Variants in TSPAN15 observed in about 807,000 individuals in gnomAD.
The protein encoded by TSPAN15 is tetraspanin 15.
A neutral mutation model predicts 34.5 loss-of-function variants in TSPAN15; 20 were observed. That is an observed-to-expected ratio of 0.58 (90% CI 0.41 to 0.84). TSPAN15 has a LOEUF of 0.84. TSPAN15 is among the 40% of genes least tolerant of loss of function. The pLI is 0.00. For missense variants in TSPAN15, 313 were observed against 386.1 expected, an observed-to-expected ratio of 0.81 and a Z score of 1.59; for synonymous variants, 155 against 153.9, an observed-to-expected ratio of 1.01 and a Z score of -0.05.
rs1299547481 is a variant in TSPAN15, at chr10:69,471,597, T to C, written c.97-12094T>C. 2.7e-5 allele frequency among the ~76,000 whole-genome samples: 4 copies of C among 148,274 alleles called. No individual in the cohort carries two copies. The East Asian group carries it at 8.1e-4, about 30-fold the overall frequency. On this transcript the variant is annotated intron_variant, in intron 1 of 7. Transcript: ENST00000373290. ...TCCCCACCTTCTCTCCCTCCCCTCTTCCCTCCCCTCCCCTCCCCTTCTCTT... is the reference window on the plus strand; with the variant it reads ...TCCCCACCTTCTCTCCCTCCCCTCTCCCCTCCCCTCCCCTCCCCTTCTCTT...
chr10:69,502,862 G>A (rs1299324958), intron 5 of TSPAN15, among the ~76,000 whole-genome samples: 2 of 152,106 alleles, frequency 1.3e-5, no homozygotes, highest in Non-Finnish European at 2.9e-5. Flanking sequence ...ACCTCCCTAC[G>A]TACCATGCAG....
downstream of TSPAN15, among the ~76,000 whole-genome samples, chr10:69,509,760 A>G (rs1359268074): frequency 6.6e-6 from 1 of 152,138 alleles, no homozygotes; most frequent in East Asian, 1.9e-4. Flanking sequence ...TAATTTTTGT[A>G]TAAGGTGTAA....
At chr10:69,518,485 G>A in the TSPAN15 span, among the ~76,000 whole-genome samples, 3 of 152,202 alleles carry the variant, frequency 2.0e-5, no homozygotes, top group South Asian at 6.2e-4. Flanking sequence ...GTGCAGTGAT[G>A]TGATCTCTGC....
chr10:69,524,246 A>G, the TSPAN15 span, among the ~76,000 whole-genome samples: 1 of 147,422 alleles, frequency 6.8e-6, no homozygotes, highest in African/African-American at 2.5e-5. Flanking sequence ...AGGTGGGTGG[A>G]TCACTGGAAG....
chr10:69,532,713 C>A, the TSPAN15 span, among the ~76,000 whole-genome samples: 1 of 152,118 alleles, frequency 6.6e-6, no homozygotes, highest in South Asian at 2.1e-4. Flanking sequence ...CTTTGCACAG[C>A]AAAGGAACAG....
the TSPAN15 span, among the ~76,000 whole-genome samples, chr10:69,539,442 GAAGA>G: frequency 1.7e-3 from 55 of 31,456 alleles, 5 homozygotes; most frequent in Middle Eastern, 0.01. Context: ...GAAGAAGAAG[GAAGA>G]AGAAGAAGAA....
intron 1 of TSPAN15, 135 bp from the exon 2 acceptor site, chr10:69,483,556 G>A (rs746691675): frequency 6.2e-5 from 56 of 906,980 alleles, no homozygotes; most frequent in Non-Finnish European, 8.6e-5. Context: ...CAGTTCAGCC[G>A]CTAACAGGGC....
chr10:69,454,581 C>T (rs1841043146), intron 1 of TSPAN15, among the ~76,000 whole-genome samples: 1 of 152,034 alleles, frequency 6.6e-6, no homozygotes, highest in Non-Finnish European at 1.5e-5. Context: ...CTTTGGAAGG[C>T]CAAGATGGGC....
chr10:69,482,097 T>A (rs1354040023), intron 1 of TSPAN15, among the ~76,000 whole-genome samples: 6 of 147,768 alleles, frequency 4.1e-5, no homozygotes, highest in Non-Finnish European at 7.4e-5. Context: ...CCAGAAATAG[T>A]GTAGTATGTT....
the TSPAN15 span, among the ~76,000 whole-genome samples, chr10:69,543,364 C>A: frequency 4.6e-5 from 7 of 152,196 alleles, no homozygotes; most frequent in South Asian, 1.0e-3. Flanking sequence ...GAAAAGTCTC[C>A]TTCCTCCCCT....
chr10:69,539,961 CT>C, the TSPAN15 span, among the ~76,000 whole-genome samples: 360 of 146,502 alleles, frequency 2.5e-3, no homozygotes, highest in Admixed American at 3.9e-3. Context: ...AAAATGTAGT[CT>C]TTTTTTTTTT....
the TSPAN15 span, among the ~76,000 whole-genome samples, chr10:69,535,676 C>T: frequency 6.6e-6 from 1 of 152,254 alleles, no homozygotes. Flanking sequence ...GGCACCCACA[C>T]CCAACTCCCT....
the TSPAN15 span, among the ~76,000 whole-genome samples, chr10:69,545,686 G>T: frequency 6.6e-6 from 1 of 152,308 alleles, no homozygotes; most frequent in East Asian, 1.9e-4. Context: ...GCTGGGTGCG[G>T]TGGCTCACGC....
intron 1 of TSPAN15, among the ~76,000 whole-genome samples, chr10:69,460,817 G>A (rs186240453): frequency 1.6e-4 from 25 of 152,224 alleles, no homozygotes; most frequent in African/African-American, 4.6e-4. Context: ...GAGGGAGGGC[G>A]GGCTACAGAA....
chr10:69,464,163 CA>C (rs1841331433), intron 1 of TSPAN15, among the ~76,000 whole-genome samples: 2 of 152,244 alleles, frequency 1.3e-5, no homozygotes, highest in Non-Finnish European at 2.9e-5. Context: ...GAGTATGGCT[CA>C]CCAGACACCT....
At chr10:69,523,046 T>G in the TSPAN15 span, among the ~76,000 whole-genome samples, 9 of 147,992 alleles carry the variant, frequency 6.1e-5, 1 homozygote, top group Non-Finnish European at 1.3e-4. Flanking sequence ...AGTTTTATAG[T>G]TTTAGCTCTT....
At position 69,455,519 on chromosome 10, in the gene TSPAN15, C is replaced by CT. The variant is rs1564595385; in HGVS notation, c.96+3829_96+3830insT. Among the ~76,000 whole-genome samples, 8 of 142,772 alleles carry CT rather than the reference C, an allele frequency of 5.6e-5. No homozygotes were observed. In the South Asian group the frequency reaches 6.7e-4, roughly 12 times the overall value. The allele number at this position is 142,772 out of a possible 152,430, so 93.7% of individuals were successfully genotyped here. On this transcript the variant is annotated intron_variant, in intron 1 of 7. Coordinates refer to ENST00000373290, the MANE Select transcript of TSPAN15 (RefSeq NM_012339.5). ...TTAGGTTGTTCCCAGTCTTTCTTTC[C>CT]CTCTCTTTCTTTCTCTTTCTTTCTT...
At chr10:69,469,740 T>C (rs1056041891) in intron 1 of TSPAN15, among the ~76,000 whole-genome samples, 6 of 152,212 alleles carry the variant, frequency 3.9e-5, no homozygotes, top group African/African-American at 1.4e-4. Context: ...GATGAGATTT[T>C]GCCATGTTGC....
At chr10:69,483,235 G>A (rs570943097) in intron 1 of TSPAN15, among the ~76,000 whole-genome samples, 22 of 152,166 alleles carry the variant, frequency 1.4e-4, no homozygotes, top group African/African-American at 5.3e-4. Flanking sequence ...TGATCTGCCC[G>A]CCTCGGCCTC....
Sources: allele counts gnomAD v4.1 joint callset (sites outside exome capture counted in the v4.1 genomes callset), GRCh38; gene constraint gnomAD v4.1.1; transcripts MANE v1.5; gene names NCBI Gene and HGNC (gene_info 2026-07-23, HGNC 2026-07-21).